WWOX: variants seen among roughly 807,000 people sequenced by gnomAD.
WWOX encodes the protein WW domain-containing oxidoreductase.
A neutral mutation model predicts 46.2 loss-of-function variants in WWOX; 69 were observed. The observed-to-expected ratio is 1.49, with a 90% confidence interval of 1.23 to 1.82. The LOEUF (loss-of-function observed/expected upper bound fraction) is 1.82. WWOX is among the 40% of genes most tolerant of loss of function. WWOX has a pLI of 0.00. For missense variants in WWOX, 919 were observed against 542.6 expected (o/e 1.69, Z -6.89); for synonymous variants, 359 against 202.6 (o/e 1.77, Z -6.56).
chr16:79,195,429 C>G (rs993653307), intron 8 of WWOX, among the ~76,000 whole-genome samples: 11 of 152,112 alleles, frequency 7.2e-5, no homozygotes, highest in African/African-American at 2.7e-4. Flanking sequence ...GTGCGTGTTG[C>G]TTTGGTAGGG....
chr16:78,502,473 A>G (rs2085094111), intron 8 of WWOX, among the ~76,000 whole-genome samples: 1 of 152,136 alleles, frequency 6.6e-6, no homozygotes, highest in Non-Finnish European at 1.5e-5. Flanking sequence ...TCCTCTTAGC[A>G]TCATGTTTTG....
intron 8 of WWOX, among the ~76,000 whole-genome samples, chr16:78,602,674 A>T (rs557827630): frequency 7.2e-5 from 11 of 152,332 alleles, no homozygotes; most frequent in African/African-American, 2.6e-4. Context: ...TGTTCTGATC[A>T]TTGTCATGAC....
At chr16:78,775,283 T>G (rs1445894060) in intron 8 of WWOX, among the ~76,000 whole-genome samples, 3 of 152,194 alleles carry the variant, frequency 2.0e-5, no homozygotes, top group African/African-American at 7.2e-5. Flanking sequence ...GTTTGAAATT[T>G]ATGAGTGTTT....
intron 8 of WWOX, among the ~76,000 whole-genome samples, chr16:78,968,220 G>T (rs572033163): frequency 6.6e-6 from 1 of 151,900 alleles, no homozygotes; most frequent in Non-Finnish European, 1.5e-5. Flanking sequence ...ACATGGACAT[G>T]ATTCATACAT....
intron 5 of WWOX, among the ~76,000 whole-genome samples, chr16:78,211,869 G>A (rs926220259): frequency 2.6e-5 from 4 of 152,152 alleles, no homozygotes; most frequent in African/African-American, 9.7e-5. Context: ...GAAAGAACGA[G>A]GTTCAAATCC....
intron 8 of WWOX, among the ~76,000 whole-genome samples, chr16:78,683,778 G>A (rs1006237249): frequency 6.6e-6 from 1 of 152,176 alleles, no homozygotes; most frequent in East Asian, 1.9e-4. Context: ...TCCAACAGTC[G>A]TGATTTAGGG....
At chr16:78,293,995 A>AC (rs1567482471) in intron 5 of WWOX, among the ~76,000 whole-genome samples, 5 of 150,044 alleles carry the variant, frequency 3.3e-5, no homozygotes, top group Non-Finnish European at 5.9e-5. Flanking sequence ...AAAAAAAAAA[A>AC]AAAAAAAAAA....
intron 5 of WWOX, among the ~76,000 whole-genome samples, chr16:78,236,428 C>G (rs1269372211): frequency 1.3e-5 from 2 of 152,124 alleles, no homozygotes; most frequent in African/African-American, 2.4e-5. Flanking sequence ...GCTTTTTTGA[C>G]AGACACATTA....
intron 8 of WWOX, among the ~76,000 whole-genome samples, chr16:78,677,745 G>C (rs1024850870): frequency 6.6e-6 from 1 of 152,184 alleles, no homozygotes; most frequent in Non-Finnish European, 1.5e-5. Flanking sequence ...CATAGGATAT[G>C]TCCAGAAAAC....
chr16:78,432,479 ATTT>A lies in WWOX; in HGVS notation c.792-6_792-4del, dbSNP rs1567570168. 1 of 1,608,792 alleles carries A rather than the reference ATTT, an allele frequency of 6.2e-7. No homozygotes were observed. The highest frequency in any genetic ancestry group is 2.3e-5 in the East Asian group (1 of 44,390). On this transcript the variant is annotated splice_polypyrimidine_tract_variant and splice_region_variant and intron_variant, in intron 7 of 8. Coordinates refer to ENST00000566780, the MANE Select transcript of WWOX (RefSeq NM_016373.4). ...TTGGTTGCTTCATGTCATATTTCCT[ATTT>A]TTAAGATTTACAGATATTAACGACT...
chr16:78,471,150 A>G lies in WWOX; in HGVS notation c.1056+38398A>G, dbSNP rs76342715. 5.2e-3 allele frequency among the ~76,000 whole-genome samples: 799 copies of G among 152,294 alleles called. 2 individuals carry two copies. Among genetic ancestry groups the G allele is most frequent in the African/African-American group, 0.018 (736 of 41,566 alleles). ...GGAAGAGGGAAAAGTCAAAAGAATGACAGAAGGTCCTCACGTTGCAGAACA... is the reference window on the plus strand; with the variant it reads ...GGAAGAGGGAAAAGTCAAAAGAATGGCAGAAGGTCCTCACGTTGCAGAACA... On this transcript the variant is annotated intron_variant, in intron 8 of 8. Coordinates refer to ENST00000566780, the MANE Select transcript of WWOX (RefSeq NM_016373.4).
intron 8 of WWOX, among the ~76,000 whole-genome samples, chr16:78,887,457 A>G (rs1159741823): frequency 4.4e-5 from 6 of 135,944 alleles, no homozygotes. Context: ...TGAAGGCAAC[A>G]AAGTATATAA....
chr16:79,069,113 G>A (rs562022646), intron 8 of WWOX, among the ~76,000 whole-genome samples: 3 of 152,154 alleles, frequency 2.0e-5, no homozygotes, highest in South Asian at 2.1e-4. Flanking sequence ...AACTCCCCAC[G>A]TGTGACATCT....
chr16:78,111,314 G>C (rs570055706), intron 3 of WWOX, among the ~76,000 whole-genome samples: 4 of 152,148 alleles, frequency 2.6e-5, no homozygotes, highest in Non-Finnish European at 2.9e-5. Context: ...AGATGATCAT[G>C]GACAATTATC....
chr16:78,610,011 G>A (rs2045862159), intron 8 of WWOX, among the ~76,000 whole-genome samples: 1 of 117,446 alleles, frequency 8.5e-6, no homozygotes, highest in Non-Finnish European at 1.6e-5. Flanking sequence ...CCTTTATTTA[G>A]CAGAAGGTAG....
At chr16:78,836,130 G>A (rs912418930) in intron 8 of WWOX, among the ~76,000 whole-genome samples, 12 of 151,906 alleles carry the variant, frequency 7.9e-5, no homozygotes, top group Admixed American at 6.6e-4. Flanking sequence ...TATATATACC[G>A]CCTGGCCTCT....
intron 8 of WWOX, among the ~76,000 whole-genome samples, chr16:78,633,136 C>T (rs913356637): frequency 6.6e-6 from 1 of 151,992 alleles, no homozygotes; most frequent in Admixed American, 6.5e-5. Context: ...GTGGCGTGTG[C>T]CTGTAATCCC....
At chr16:78,144,784 G>A (rs1227111897) in intron 4 of WWOX, among the ~76,000 whole-genome samples, 1 of 151,742 alleles carries the variant, frequency 6.6e-6, no homozygotes, top group Non-Finnish European at 1.5e-5. Context: ...GCCTACCAAA[G>A]TGCTGGGATT....
intron 5 of WWOX, among the ~76,000 whole-genome samples, chr16:78,193,741 G>T (rs531687279): frequency 6.6e-6 from 1 of 152,076 alleles, no homozygotes; most frequent in African/African-American, 2.4e-5. Context: ...AAACTAATTT[G>T]GGATTTTTGT....
Sources: allele counts gnomAD v4.1 joint callset (sites outside exome capture counted in the v4.1 genomes callset), GRCh38; gene constraint gnomAD v4.1.1; transcripts MANE v1.5; gene names NCBI Gene and HGNC (gene_info 2026-07-23, HGNC 2026-07-21).